EPC1: variants seen among roughly 807,000 people sequenced by gnomAD.
EPC1 encodes enhancer of polycomb 1, also known as enhancer of polycomb homolog 1.
EPC1 carries 12 observed loss-of-function variants against 98.4 expected under a neutral mutation model. The observed-to-expected ratio is 0.12, with a 90% CI of 0.08 to 0.20. EPC1 has a LOEUF of 0.20. Among genes scored for constraint, EPC1 ranks in the 10% least tolerant of loss-of-function variants. The pLI is 1.00. For missense variants in EPC1, 729 were observed against 990.5 expected (o/e 0.74, Z 3.54); for synonymous variants, 357 against 363.9 (o/e 0.98, Z 0.21).
intron 10 of EPC1, among the ~76,000 whole-genome samples, chr10:32,274,694 C>T (rs74128016): frequency 0.015 from 2,293 of 152,082 alleles, 59 homozygotes; most frequent in African/African-American, 0.052. Flanking sequence ...CTACTATGTT[C>T]GTAATTCACA....
At chr10:32,280,247 G>A (rs546104490) in intron 10 of EPC1, among the ~76,000 whole-genome samples, 4 of 152,156 alleles carry the variant, frequency 2.6e-5, no homozygotes, top group Non-Finnish European at 5.9e-5. Flanking sequence ...TTGAGGTCAG[G>A]AGTTCAAGAC....
At chr10:32,292,926 A>G (rs1834933573) in intron 4 of EPC1, 62 bp downstream of exon 4, 2 of 1,077,880 alleles carry the variant, frequency 1.9e-6, no homozygotes. Flanking sequence ...GTATTGAGAC[A>G]GTCATAACTA....
rs1163802022 is a variant in EPC1, at chr10:32,268,050, C to G, written c.*1013G>C. The G allele has an allele frequency of 6.6e-6, 1 of 152,154 alleles. No individual in the cohort carries two copies. The highest frequency in any genetic ancestry group is 2.4e-5 in the African/African-American group (1 of 41,432). The allele number at this position is 152,154 out of a possible 1,614,324, so 9.4% of individuals were successfully genotyped here. A position where few individuals can be genotyped will look rare whatever the true frequency, so the allele number is the denominator to read the frequency against. On this transcript the variant is annotated 3_prime_UTR_variant, in exon 14 of 14. Transcript: ENST00000319778. ...AGAAACTGGAATGATGATACACGTA[C>G]AGCAATTACTGCATTCTTCTCCCTT...
intron 1 of EPC1, among the ~76,000 whole-genome samples, chr10:32,344,494 T>A (rs1838616222): frequency 6.6e-6 from 1 of 152,244 alleles, no homozygotes; most frequent in African/African-American, 2.4e-5. Context: ...CAGTATAAAA[T>A]GTCAAAATTG....
At chr10:32,327,762 CAAA>C (rs35121568) in intron 1 of EPC1, among the ~76,000 whole-genome samples, 3 of 152,052 alleles carry the variant, frequency 2.0e-5, no homozygotes, top group South Asian at 4.1e-4. Context: ...AGTTGTAACA[CAAA>C]AAAGTATTTG....
At chr10:32,280,448 C>G (rs904898231) in intron 10 of EPC1, among the ~76,000 whole-genome samples, 2 of 151,140 alleles carry the variant, frequency 1.3e-5, no homozygotes, top group African/African-American at 4.9e-5. Context: ...GAAACTGTAT[C>G]TCAAAAAAAA....
chr10:32,313,757 G>T (rs1026592370), intron 1 of EPC1, among the ~76,000 whole-genome samples: 2 of 152,044 alleles, frequency 1.3e-5, no homozygotes, highest in Non-Finnish European at 2.9e-5. Flanking sequence ...GTGGTGGCGG[G>T]TGCCTGTAAT....
intron 6 of EPC1, 82 bp downstream of exon 6, chr10:32,291,081 T>G: frequency 7.5e-7 from 1 of 1,324,504 alleles, no homozygotes; most frequent in Non-Finnish European, 1.1e-6. Flanking sequence ...CCGGCCTATG[T>G]GTGTTTTTCT....
intron 1 of EPC1, among the ~76,000 whole-genome samples, chr10:32,342,504 T>C (rs1592620499): frequency 1.3e-5 from 2 of 152,326 alleles, no homozygotes; most frequent in African/African-American, 2.4e-5. Flanking sequence ...TAACAATGTA[T>C]ATTGTGCCAG....
intron 1 of EPC1, among the ~76,000 whole-genome samples, chr10:32,368,958 G>A (rs1047132767): frequency 6.6e-6 from 1 of 152,196 alleles, no homozygotes; most frequent in Admixed American, 6.5e-5. Flanking sequence ...TGGACAATTG[G>A]TAGTAAAGGG....
intron 10 of EPC1, among the ~76,000 whole-genome samples, chr10:32,275,257 T>C (rs1049636346): frequency 6.6e-6 from 1 of 152,268 alleles, no homozygotes; most frequent in African/African-American, 2.4e-5. Flanking sequence ...TTATTTAACA[T>C]CTTAATCCTG....
intron 8 of EPC1, 41 bp downstream of exon 8, chr10:32,286,885 G>C (rs1464001045): frequency 6.2e-7 from 1 of 1,610,222 alleles, no homozygotes; most frequent in East Asian, 2.2e-5. Flanking sequence ...GTCAGTTAAA[G>C]GTAAATAGTT....
intron 1 of EPC1, among the ~76,000 whole-genome samples, chr10:32,344,168 T>C (rs1036937846): frequency 6.6e-6 from 1 of 152,238 alleles, no homozygotes; most frequent in African/African-American, 2.4e-5. Context: ...CAGAATTCAA[T>C]TACCTTTATG....
intron 9 of EPC1, chr10:32,285,491 T>G (rs944431065): frequency 1.3e-5 from 2 of 158,650 alleles, no homozygotes; most frequent in African/African-American, 4.8e-5. Flanking sequence ...GACTGATTGA[T>G]TGAGAGAGAT....
chr10:32,329,924 T>G (rs142379569), intron 1 of EPC1, among the ~76,000 whole-genome samples: 2,062 of 152,286 alleles, frequency 0.014, 47 homozygotes, highest in African/African-American at 0.047. Context: ...TGAGCTGAGA[T>G]CTGAAGGATC....
chr10:32,350,413 A>G (rs549980026), upstream of EPC1, among the ~76,000 whole-genome samples: 3 of 152,368 alleles, frequency 2.0e-5, no homozygotes, highest in Non-Finnish European at 4.4e-5. Flanking sequence ...GAGAAGCAGC[A>G]TGCGATCTGA....
At chr10:32,369,796 T>C (rs1457195986) in intron 1 of EPC1, among the ~76,000 whole-genome samples, 3 of 152,324 alleles carry the variant, frequency 2.0e-5, no homozygotes, top group East Asian at 3.9e-4. Flanking sequence ...AGAGTTACCA[T>C]GTTTAGAAGT....
intron 1 of EPC1, among the ~76,000 whole-genome samples, chr10:32,332,548 T>C (rs1391926641): frequency 6.6e-6 from 1 of 152,170 alleles, no homozygotes; most frequent in Non-Finnish European, 1.5e-5. Context: ...CTCGAGTCAT[T>C]TGTTCTGTGA....
intron 6 of EPC1, 49 bp from the exon 7 acceptor site, chr10:32,287,323 A>T (rs1464836419): frequency 1.3e-6 from 2 of 1,596,002 alleles, no homozygotes; most frequent in East Asian, 4.5e-5. Flanking sequence ...ATGTTCAACA[A>T]ATTTGCAGTT....
Sources: allele counts gnomAD v4.1 joint callset (sites outside exome capture counted in the v4.1 genomes callset), GRCh38; gene constraint gnomAD v4.1.1; transcripts MANE v1.5; gene names NCBI Gene and HGNC (gene_info 2026-07-23, HGNC 2026-07-21).